GTPBP10: variants seen among roughly 807,000 people sequenced by gnomAD.
GTPBP10 encodes GTP-binding protein 10.
Under a neutral mutation model 44.8 loss-of-function variants are expected in GTPBP10, and 38 were observed. The ratio of observed to expected loss-of-function variants is 0.85; its 90% CI spans 0.65 to 1.11. The LOEUF (loss-of-function observed/expected upper bound fraction) is 1.11. Ranked by LOEUF, GTPBP10 falls within the 50% of genes most tolerant of loss-of-function variation. The probability of loss-of-function intolerance (pLI) is 0.00; values close to 1 mark genes in which losing one functional copy is unlikely to be tolerated. For synonymous variants in GTPBP10, 152 were observed against 150.6 expected, an observed-to-expected ratio of 1.01 and a Z score of -0.07; for missense variants, 462 against 453.7, an observed-to-expected ratio of 1.02 and a Z score of -0.17.
rs369411607 is a variant in GTPBP10 at position 90,383,037 on chromosome 7, G to A, written c.859G>A (p.Asp287Asn). 6 of 1,595,210 alleles carry A rather than the reference G, an allele frequency of 3.8e-6. No homozygotes were observed. Among genetic ancestry groups the A allele is most frequent in the Non-Finnish European group, 5.1e-6 (6 of 1,168,292 alleles). The change falls in exon 9 of 10, where the codon GAT becomes AAT. Residue 287 changes from aspartate to asparagine, a missense_variant. By Grantham distance (23) the Asp-to-Asn change is conservative. Transcript: ENST00000222511. ...TAAAATGGACTTGCCAGATGCCCAA[G>A]ATAAGTTCCATGAATTGATGAGCCA... Reference protein sequence around the residue: ...VNKMDLPDAQDKFHELMSQLQ... With the variant: ...VNKMDLPDAQNKFHELMSQLQ...
Position 90,360,196 on chromosome 7 carries a change from A to G in GTPBP10, c.464+4966A>G, listed in dbSNP as rs187035692. Among the ~76,000 whole-genome samples, 517 of 152,218 alleles carry G rather than the reference A, an allele frequency of 3.4e-3. 3 individuals are homozygous for G. The highest frequency in any genetic ancestry group is 0.012 in the African/African-American group (495 of 41,530). ...TTGTTGCCATTGCTTTTGGTGTTTT[A>G]GACATGAAGTCCTTGCCCATGCCTA... On this transcript the variant is annotated intron_variant, in intron 4 of 9. Coordinates refer to ENST00000222511, the MANE Select transcript of GTPBP10 (RefSeq NM_033107.4).
At chr7:90,378,598 T>C (rs1344239389) in intron 8 of GTPBP10, among the ~76,000 whole-genome samples, 1 of 152,240 alleles carries the variant, frequency 6.6e-6, no homozygotes, top group Non-Finnish European at 1.5e-5. Context: ...AGTAACATTA[T>C]TCAGAGTTCT....
At chr7:90,353,393 C>A (rs980732361) in intron 2 of GTPBP10, among the ~76,000 whole-genome samples, 8 of 152,188 alleles carry the variant, frequency 5.3e-5, no homozygotes, top group African/African-American at 1.9e-4. Context: ...TTAACCTTTT[C>A]TTGACTTTTC....
At chr7:90,367,256 T>C (rs530972357) in intron 4 of GTPBP10, among the ~76,000 whole-genome samples, 2 of 152,318 alleles carry the variant, frequency 1.3e-5, no homozygotes, top group South Asian at 4.1e-4. Context: ...AGAATATATA[T>C]TCTGTCGATT....
At chr7:90,377,226 AAAT>A (rs986827294) in intron 6 of GTPBP10, among the ~76,000 whole-genome samples, 3 of 152,172 alleles carry the variant, frequency 2.0e-5, no homozygotes, top group African/African-American at 7.2e-5. Flanking sequence ...CCTGTCTCTA[AAAT>A]AATAATAATA....
intron 4 of GTPBP10, among the ~76,000 whole-genome samples, chr7:90,371,429 ACT>A (rs751599364): frequency 1.6e-4 from 25 of 152,226 alleles, no homozygotes; most frequent in Non-Finnish European, 3.1e-4. Flanking sequence ...GAACATTAAG[ACT>A]CTATAAAAAC....
At chr7:90,347,701 G>A (rs767618845) in intron 1 of GTPBP10, 1 of 153,888 alleles carries the variant, frequency 6.5e-6, no homozygotes, top group African/African-American at 2.4e-5. Flanking sequence ...ATTTATAAAG[G>A]TGTAATAATA....
intron 5 of GTPBP10, among the ~76,000 whole-genome samples, chr7:90,372,719 T>C (rs1385896520): frequency 6.6e-6 from 1 of 152,118 alleles, no homozygotes; most frequent in Admixed American, 6.5e-5. Flanking sequence ...CAGAATCGTT[T>C]ATTTGGTTTA....
rs1796560047 is a variant in GTPBP10, at chr7:90,388,285, A to G, written c.*3131A>G. 1 of 152,208 alleles carries G rather than the reference A, an allele frequency of 6.6e-6. No individual in the cohort carries two copies. The highest frequency in any genetic ancestry group is 6.5e-5 in the Admixed American group (1 of 15,280). The allele number at this position is 152,208 out of a possible 1,614,324, so 9.4% of individuals were successfully genotyped here. On this transcript the variant is annotated 3_prime_UTR_variant, in exon 10 of 10. Transcript: ENST00000222511. Reference sequence around the variant, plus strand: ...GATGCATTTTATTTTGTCCTTAAGTAAGACTTTTCATTTTTACCTTTCAAA... The same window carrying G: ...GATGCATTTTATTTTGTCCTTAAGTGAGACTTTTCATTTTTACCTTTCAAA...
intron 8 of GTPBP10, among the ~76,000 whole-genome samples, chr7:90,380,610 G>A (rs950133181): frequency 4.6e-5 from 7 of 152,064 alleles, no homozygotes; most frequent in African/African-American, 7.2e-5. Context: ...ATTGAATCAA[G>A]CTAATTAACA....
chr7:90,351,726 C>T (rs898496931), intron 1 of GTPBP10, among the ~76,000 whole-genome samples: 1 of 151,930 alleles, frequency 6.6e-6, no homozygotes, highest in Non-Finnish European at 1.5e-5. Context: ...GACGGAGTCT[C>T]GCTCTGTCGC....
intron 4 of GTPBP10, among the ~76,000 whole-genome samples, chr7:90,368,966 A>T (rs1007367906): frequency 6.6e-6 from 1 of 152,044 alleles, no homozygotes; most frequent in Non-Finnish European, 1.5e-5. Flanking sequence ...GTGACCTACG[A>T]TGAGGTTTTG....
At chr7:90,366,548 T>G (rs1408407013) in intron 4 of GTPBP10, among the ~76,000 whole-genome samples, 1 of 152,198 alleles carries the variant, frequency 6.6e-6, no homozygotes, top group Non-Finnish European at 1.5e-5. Context: ...CTTCTAGATT[T>G]TCTAGTTTAT....
At position 90,387,317 on chromosome 7, in the gene GTPBP10, CAA is replaced by C. The variant is rs1171795172; in HGVS notation, c.*2164_*2165del. The C allele has an allele frequency of 7.3e-6, 1 of 137,172 alleles. No homozygotes were observed. The highest frequency in any genetic ancestry group is 1.5e-5 in the Non-Finnish European group (1 of 64,716). 8.5% of individuals were successfully genotyped at this position (137,172 alleles called of 1,614,324 possible). ...CGCCATTGCACTCCAGCCTGGAGGA[CAA>C]GAGGGAGACTTCCTCTCAAAAAACA... On this transcript the variant is annotated 3_prime_UTR_variant, in exon 10 of 10. Transcript: ENST00000222511.
At chr7:90,362,978 A>G (rs1057101345) in intron 4 of GTPBP10, among the ~76,000 whole-genome samples, 27 of 151,120 alleles carry the variant, frequency 1.8e-4, no homozygotes, top group Admixed American at 1.7e-3. Flanking sequence ...TTTGTTTTCC[A>G]TTTGCTTGAT....
intron 4 of GTPBP10, among the ~76,000 whole-genome samples, chr7:90,359,702 T>C (rs1408551460): frequency 6.6e-6 from 1 of 152,212 alleles, no homozygotes; most frequent in East Asian, 1.9e-4. Flanking sequence ...TTCTAGATCC[T>C]TGAGGAATCG....
At chr7:90,383,116 A>G (rs1796461291) in intron 9 of GTPBP10, 37 bp downstream of exon 9, 2 of 1,437,988 alleles carry the variant, frequency 1.4e-6, no homozygotes, top group Non-Finnish European at 1.9e-6. Flanking sequence ...AATTTAAAGA[A>G]TAATTACAAT....
chr7:90,360,227 T>A (rs978849056), intron 4 of GTPBP10, among the ~76,000 whole-genome samples: 3 of 152,208 alleles, frequency 2.0e-5, no homozygotes, highest in Non-Finnish European at 4.4e-5. Context: ...GCCTATGTCC[T>A]GAATGGTGTT....
At chr7:90,366,608 G>A (rs1349448857) in intron 4 of GTPBP10, among the ~76,000 whole-genome samples, 2 of 151,980 alleles carry the variant, frequency 1.3e-5, no homozygotes, top group African/African-American at 4.8e-5. Context: ...GTATTTCTGT[G>A]GGATCAGTAG....
Sources: gnomAD v4.1 joint callset for allele counts (sites outside exome capture counted in the v4.1 genomes callset) on GRCh38, gnomAD v4.1.1 for gene constraint, MANE v1.5 for transcripts, NCBI Gene and HGNC (gene_info 2026-07-23, HGNC 2026-07-21) for gene names.